The following LRRC14B variants were observed in gnomAD, a reference collection of about 807,000 sequenced individuals.
LRRC14B encodes leucine-rich repeat-containing protein 14B.
LRRC14B carries 23 observed loss-of-function variants against 16.9 expected under a neutral mutation model. The observed-to-expected ratio is 1.36, with a 90% CI of 0.98 to 1.92. The LOEUF (loss-of-function observed/expected upper bound fraction) is 1.92, where lower values mean the gene tolerates loss of function less well. LRRC14B is among the 30% of genes most tolerant of loss of function. The pLI, the probability that LRRC14B is intolerant of heterozygous loss-of-function variation, is 0.00. For missense variants in LRRC14B, 766 were observed against 705.7 expected, an observed-to-expected ratio of 1.09 and a Z score of -0.97; for synonymous variants, 358 against 332.5, an observed-to-expected ratio of 1.08 and a Z score of -0.83.
rs1327023248 is a variant in LRRC14B, at chr5:195,856, C to A, written c.*503C>A. 2 of 161,706 alleles carry A rather than the reference C, an allele frequency of 1.2e-5. No individual in the cohort carries two copies. The highest frequency in any genetic ancestry group is 2.7e-5 in the Non-Finnish European group (2 of 73,842). 10.0% of individuals were successfully genotyped at this position (161,706 alleles called of 1,614,324 possible). ...GGCGAAAAATGAACAGCAAACCGGA[C>A]CCTGCTTCCTCCAGCAGGAGGCTCC... On this transcript the variant is annotated 3_prime_UTR_variant, in exon 2 of 2. Coordinates refer to ENST00000328278, the MANE Select transcript of LRRC14B (RefSeq NM_001080478.3).
chr5:195,215 C>T lies in LRRC14B; in HGVS notation c.1407C>T (p.Asp469=). 1 of 1,613,786 alleles carries T rather than the reference C, an allele frequency of 6.2e-7. No individual in the cohort carries two copies. Among genetic ancestry groups the T allele is most frequent in the Non-Finnish European group, 8.5e-7 (1 of 1,179,894 alleles). Residue 469 remains aspartate (D), a synonymous_variant, in exon 2 of 2, where the codon GAC becomes GAT. Transcript: ENST00000328278. The part of the protein sequence containing the change: ...RAVLLRADRE[D]IQVSTPLFGS... ...TGCTGCTGCGGGCTGACCGAGAGGA[C>T]ATCCAAGTCTCCACACCTCTCTTTG...
chr5:191,937 C>A lies in LRRC14B; in HGVS notation c.399C>A (p.Gly133=), dbSNP rs1319928619. 4.6e-6 allele frequency: 7 copies of A among 1,514,418 alleles called. No individual in the cohort carries two copies. In the South Asian group the frequency reaches 8.5e-5, roughly 18 times the overall value. The allele number at this position is 1,514,418 out of a possible 1,614,324, so 93.8% of individuals were successfully genotyped here. The stretch of plus-strand genomic sequence containing the variant: ...GCGGGAGGGCGCTGGGCAGGTGGGG[C>A]CGCACCCAGCTGCTGGCCAGGACCT... ...CPCGRALGRW[G]RTQLLARTCC... The change falls in exon 1 of 2, where the codon GGC becomes GGA. Residue 133 remains glycine (G), a synonymous_variant. Coordinates refer to ENST00000328278, the MANE Select transcript of LRRC14B (RefSeq NM_001080478.3).
At chr5:194,349 AAAAC>A (rs1320947074) in intron 1 of LRRC14B, among the ~76,000 whole-genome samples, 1 of 152,194 alleles carries the variant, frequency 6.6e-6, no homozygotes, top group Non-Finnish European at 1.5e-5. Flanking sequence ...AGCTGTTGAC[AAAAC>A]AAACTTACCA....
intron 1 of LRRC14B, 130 bp downstream of exon 1, chr5:192,567 C>T: frequency 2.0e-6 from 2 of 1,002,462 alleles, no homozygotes; most frequent in Non-Finnish European, 2.7e-6. Flanking sequence ...GGTGTGGCCA[C>T]AGCCACAGGA....
rs758896375 is a variant in LRRC14B at position 192,304 on chromosome 5, A to G, written c.766A>G (p.Thr256Ala). Residue 256 changes from threonine to alanine, a missense_variant, in exon 1 of 2, where the codon ACC (threonine) becomes GCC (alanine). Coordinates refer to ENST00000328278, the MANE Select transcript of LRRC14B (RefSeq NM_001080478.3). ...LPTKAFDAPP[T>A]YASTPDGEDP... ...CACCAAGGCCTTTGATGCACCCCCC[A>G]CCTACGCCTCCACTCCCGACGGCGA... 3 of 1,598,744 alleles carry G rather than the reference A, an allele frequency of 1.9e-6. No individual in the cohort carries two copies.
rs2126491417 is a variant in LRRC14B at position 196,121 on chromosome 5, C to G, written c.*768C>G. 1 of 152,402 alleles carries G rather than the reference C, an allele frequency of 6.6e-6. No homozygotes were observed. The highest frequency in any genetic ancestry group is 2.4e-5 in the African/African-American group (1 of 41,564). The allele number at this position is 152,402 out of a possible 1,614,324, so 9.4% of individuals were successfully genotyped here. ...TGCCCGACCGCGCCACTGTTTCTCACCAACATTCACTGTGTCCTGCGGGGC... is the reference window on the plus strand; with the variant it reads ...TGCCCGACCGCGCCACTGTTTCTCAGCAACATTCACTGTGTCCTGCGGGGC... On this transcript the variant is annotated 3_prime_UTR_variant, in exon 2 of 2. Transcript: ENST00000328278.
rs1410035491 is a variant in LRRC14B at position 191,763 on chromosome 5, C to T, written c.225C>T (p.Pro75=). The change falls in exon 1 of 2, where the codon CCC becomes CCT. Residue 75 remains proline, a synonymous_variant. Coordinates refer to ENST00000328278, the MANE Select transcript of LRRC14B (RefSeq NM_001080478.3). Reference sequence around the variant, plus strand: ...TGCTGGGTCCTGGTGCCGACCACCCCCAGGACCTGCGCGACAGAACCTGCA... The same window carrying T: ...TGCTGGGTCCTGGTGCCGACCACCCTCAGGACCTGCGCGACAGAACCTGCA... ...GALLGPGADH[P]QDLRDRTCRA... The T allele has an allele frequency of 3.2e-6, 5 of 1,546,766 alleles. No homozygotes were observed. Among genetic ancestry groups the T allele is most frequent in the East Asian group, 4.9e-5 (2 of 41,084 alleles).
In LRRC14B at chr5:195,022, T is replaced by C. The variant is rs1022598202; in HGVS notation, c.1214T>C (p.Leu405Pro). The C allele has an allele frequency of 1.9e-6, 3 of 1,612,852 alleles. No homozygotes were observed. The African/African-American group carries it at 4.0e-5, about 22-fold the overall frequency. Residue 405 changes from leucine to proline, a missense_variant, in exon 2 of 2, where the codon CTC (leucine) becomes CCC (proline). Physicochemically the swap from Leu to Pro is moderately conservative, Grantham distance 98. Coordinates refer to ENST00000328278, the MANE Select transcript of LRRC14B (RefSeq NM_001080478.3). Reference protein sequence around the residue: ...FLGNPLSARALRRLFTALCEL... With the variant: ...FLGNPLSARAPRRLFTALCEL... ...GGGAACCCGCTGTCGGCCCGCGCCC[T>C]CCGGCGCCTCTTCACCGCACTCTGT... is the stretch of plus-strand genomic sequence containing the variant.
chr5:192,682 AAG>A (rs1733831494), intron 1 of LRRC14B, among the ~76,000 whole-genome samples: 1 of 152,378 alleles, frequency 6.6e-6, no homozygotes, highest in East Asian at 1.9e-4. Flanking sequence ...CAGTTAAAAA[AAG>A]AGAATACGGA....
In LRRC14B at chr5:192,345, C is replaced by T; in HGVS notation, c.807C>T (p.Ala269=). ...STPDGEDPLL[A]SIARELSKMA... ...CCGACGGCGAGGACCCCCTCCTCGCCTCCATCGCCCGGGAGCTCAGCAAGA... is the reference window on the plus strand; with the variant it reads ...CCGACGGCGAGGACCCCCTCCTCGCTTCCATCGCCCGGGAGCTCAGCAAGA... The change falls in exon 1 of 2, where the codon GCC becomes GCT. Residue 269 remains alanine, a synonymous_variant. Transcript: ENST00000328278. The T allele has an allele frequency of 6.3e-7, 1 of 1,594,868 alleles. No individual in the cohort carries two copies. The highest frequency in any genetic ancestry group is 8.5e-7 in the Non-Finnish European group (1 of 1,171,814).
chr5:192,523 C>T (rs577921732), intron 1 of LRRC14B, 86 bp downstream of exon 1: 1 of 1,322,500 alleles, frequency 7.6e-7, no homozygotes, highest in Non-Finnish European at 9.8e-7. Flanking sequence ...TGTCCAAGGC[C>T]ATGAGGCTAC....
chr5:194,870 G>A lies in LRRC14B; in HGVS notation c.1062G>A (p.Leu354=). The change falls in exon 2 of 2, where the codon CTG becomes CTA. Residue 354 remains leucine (L), a synonymous_variant. Transcript: ENST00000328278. ...VSLYPSTFFR[L]LSQASRTLRI... is the part of the protein sequence containing the mutation. ...TGTACCCCTCGACCTTCTTCAGGCT[G>A]CTCAGCCAGGCTTCCCGGACGCTGA... 6.3e-7 allele frequency: 1 copy of A among 1,593,716 alleles called. No homozygotes were observed. Among genetic ancestry groups the A allele is most frequent in the East Asian group, 2.3e-5 (1 of 43,618 alleles).
rs930992782 is a variant in LRRC14B, at chr5:195,690, G to A, written c.*337G>A. The A allele has an allele frequency of 1.4e-5, 5 of 354,552 alleles. No individual in the cohort carries two copies. Among genetic ancestry groups the A allele is most frequent in the African/African-American group, 8.4e-5 (4 of 47,458 alleles). 22.0% of individuals were successfully genotyped at this position (354,552 alleles called of 1,614,324 possible). On this transcript the variant is annotated 3_prime_UTR_variant, in exon 2 of 2. Coordinates refer to ENST00000328278, the MANE Select transcript of LRRC14B (RefSeq NM_001080478.3). ...GAGGAGTGGCCGACCTGGCCTCAGCGCATCTGGGCACTGGGCGCAAGATGA... is the reference window on the plus strand; with the variant it reads ...GAGGAGTGGCCGACCTGGCCTCAGCACATCTGGGCACTGGGCGCAAGATGA...
rs1286633103 is a variant in LRRC14B at position 191,962 on chromosome 5, T to C, written c.424T>C (p.Cys142Arg). ...CCGCACCCAGCTGCTGGCCAGGACC[T>C]GCTGTGAGCTGCAGGCAGAGCCCCT... ...WGRTQLLART[C>R]CELQAEPLAA... The change falls in exon 1 of 2, where the codon TGC becomes CGC. Residue 142 changes from cysteine to arginine, a missense_variant. By Grantham distance (180) the Cys-to-Arg change is radical. Coordinates refer to ENST00000328278, the MANE Select transcript of LRRC14B (RefSeq NM_001080478.3). The C allele has an allele frequency of 6.6e-7, 1 of 1,526,224 alleles. No individual in the cohort carries two copies. The highest frequency in any genetic ancestry group is 1.2e-5 in the South Asian group (1 of 83,504). 94.5% of individuals were successfully genotyped at this position (1,526,224 alleles called of 1,614,324 possible).
Position 192,244 on chromosome 5 carries a change from G to C in LRRC14B, c.706G>C (p.Val236Leu). Residue 236 changes from valine to leucine, a missense_variant, in exon 1 of 2, where the codon GTG (valine) becomes CTG (leucine). Physicochemically the swap from Val to Leu is conservative, Grantham distance 32 (BLOSUM62 1). Coordinates refer to ENST00000328278, the MANE Select transcript of LRRC14B (RefSeq NM_001080478.3). The part of the protein sequence containing the change: ...AGHVQQLLAQ[V>L]GFPRLASLTL... ...CCACGTGCAGCAGCTTCTGGCCCAG[G>C]TGGGCTTCCCCCGGCTGGCCTCGCT... The C allele has an allele frequency of 6.3e-7, 1 of 1,594,390 alleles. No homozygotes were observed. Among genetic ancestry groups the C allele is most frequent in the South Asian group, 1.1e-5 (1 of 87,862 alleles).
In LRRC14B at chr5:191,820, C is replaced by T. The variant is rs1407072182; in HGVS notation, c.282C>T (p.Leu94=). The change falls in exon 1 of 2, where the codon CTC becomes CTT. Residue 94 remains leucine, a synonymous_variant. Transcript: ENST00000328278. The part of the protein sequence containing the change: ...RACLEALVRG[L]ADHVLQDRSR... ...GCCTGGAGGCGCTGGTGCGCGGCCT[C>T]GCGGACCACGTGCTGCAGGACCGGA... The T allele has an allele frequency of 2.0e-6, 3 of 1,530,150 alleles. No individual in the cohort carries two copies. The highest frequency in any genetic ancestry group is 2.5e-5 in the East Asian group (1 of 40,646). 94.8% of individuals were successfully genotyped at this position (1,530,150 alleles called of 1,614,324 possible). A position where few individuals can be genotyped will look rare whatever the true frequency, so the allele number is the denominator to read the frequency against.
In LRRC14B at chr5:191,782, A is replaced by G. The variant is rs1733797356; in HGVS notation, c.244A>G (p.Thr82Ala). 2 of 1,540,034 alleles carry G rather than the reference A, an allele frequency of 1.3e-6. No homozygotes were observed. Among genetic ancestry groups the G allele is most frequent in the Non-Finnish European group, 1.7e-6 (2 of 1,144,974 alleles). ...ADHPQDLRDR[T>A]CRACLEALVR... The stretch of plus-strand genomic sequence containing the variant: ...CCACCCCCAGGACCTGCGCGACAGA[A>G]CCTGCAGGGCCTGCCTGGAGGCGCT... Residue 82 changes from threonine (T) to alanine (A), a missense_variant, in exon 1 of 2, where the codon ACC becomes GCC. Physicochemically the swap from Thr to Ala is moderately conservative, Grantham distance 58. Coordinates refer to ENST00000328278, the MANE Select transcript of LRRC14B (RefSeq NM_001080478.3).
Position 191,559 on chromosome 5 carries a change from C to T in LRRC14B, c.21C>T (p.Leu7=). 6.2e-7 allele frequency: 1 copy of T among 1,612,074 alleles called. No homozygotes were observed. Residue 7 remains leucine, a synonymous_variant, in exon 1 of 2, where the codon CTC becomes CTT. Coordinates refer to ENST00000328278, the MANE Select transcript of LRRC14B (RefSeq NM_001080478.3). MDTMRS[L]RFISAEALVS... Reference sequence around the variant, plus strand: ...GGGCCATGGACACAATGAGGTCACTCCGCTTCATTTCTGCAGAAGCTCTGG... The same window carrying T: ...GGGCCATGGACACAATGAGGTCACTTCGCTTCATTTCTGCAGAAGCTCTGG...
In LRRC14B at chr5:191,797, C is replaced by G; in HGVS notation, c.259C>G (p.Leu87Val). 2 of 1,533,776 alleles carry G rather than the reference C, an allele frequency of 1.3e-6. No homozygotes were observed. Residue 87 changes from leucine (L) to valine (V), a missense_variant, in exon 1 of 2, where the codon CTG becomes GTG. Coordinates refer to ENST00000328278, the MANE Select transcript of LRRC14B (RefSeq NM_001080478.3). ...GCGCGACAGAACCTGCAGGGCCTGC[C>G]TGGAGGCGCTGGTGCGCGGCCTCGC... ...DLRDRTCRACLEALVRGLADH... is the reference protein window; with the variant it reads ...DLRDRTCRACVEALVRGLADH...
Sources: allele counts gnomAD v4.1 joint callset (sites outside exome capture counted in the v4.1 genomes callset), GRCh38; gene constraint gnomAD v4.1.1; transcripts MANE v1.5; gene names NCBI Gene and HGNC (gene_info 2026-07-23, HGNC 2026-07-21).